Variants in GPATCH1 observed in about 807,000 individuals in gnomAD.
GPATCH1 encodes G patch domain-containing protein 1.
In GPATCH1, 73 loss-of-function variants were observed where a neutral mutation model predicts 114.9. That is an observed-to-expected ratio of 0.64 (90% CI 0.53 to 0.77). The LOEUF is 0.77. GPATCH1 is among the 30% of genes least tolerant of loss of function. GPATCH1 has a pLI of 0.00. For missense variants in GPATCH1, 1,058 were observed against 1,144.3 expected (o/e 0.92, Z 1.09); for synonymous variants, 391 against 428.4 (o/e 0.91, Z 1.08).
At position 33,126,647 on chromosome 19, in the gene GPATCH1, AAGT is replaced by A. The variant is rs767970157; in HGVS notation, c.2685_2687del (p.Ser897del). The A allele has an allele frequency of 2.5e-6, 4 of 1,614,078 alleles. No homozygotes were observed. The highest frequency in any genetic ancestry group is 3.3e-5 in the Admixed American group (2 of 59,974). ...AGCAAAAGAATAAAAAACCAGAGAA[AAGT>A]AGTAGCTCCGAGAGTTCCGACAGCA... On this transcript the variant is annotated inframe_deletion, in exon 19 of 20. Coordinates refer to ENST00000170564, the MANE Select transcript of GPATCH1 (RefSeq NM_018025.3).
At chr19:33,122,007 C>T (rs76793771) in intron 17 of GPATCH1, among the ~76,000 whole-genome samples, 2 of 152,180 alleles carry the variant, frequency 1.3e-5, no homozygotes, top group Non-Finnish European at 2.9e-5. Context: ...TATAGTTGTT[C>T]AGCACTTTTG....
Position 33,118,613 on chromosome 19 carries a change from A to G in GPATCH1, c.2414-397A>G, listed in dbSNP as rs76039971. On this transcript the variant is annotated intron_variant, in intron 16 of 19. Transcript: ENST00000170564. ...TCTTTGATAATTTATTTTGAGTGAA[A>G]CTTGTCTCCCGCAGTTCTCTGTGAT... Among the ~76,000 whole-genome samples the G allele has an allele frequency of 6.4e-3, 976 of 152,268 alleles. 9 individuals carry two copies. The highest frequency in any genetic ancestry group is 0.022 in the African/African-American group (920 of 41,558).
At chr19:33,104,716 A>G (rs1972764219) in intron 9 of GPATCH1, among the ~76,000 whole-genome samples, 1 of 152,110 alleles carries the variant, frequency 6.6e-6, no homozygotes, top group Non-Finnish European at 1.5e-5. Context: ...GAGCCAGCGG[A>G]GAGAGGGGCC....
At chr19:33,115,225 A>ATTT (rs71176196) in intron 15 of GPATCH1, among the ~76,000 whole-genome samples, 4 of 56,858 alleles carry the variant, frequency 7.0e-5, no homozygotes, top group Admixed American at 3.2e-4. Flanking sequence ...TGCCTGGCTA[A>ATTT]TTTTTTTTTT....
intron 1 of GPATCH1, 134 bp from the exon 2 acceptor site, chr19:33,088,000 C>T (rs1972551151): frequency 3.7e-6 from 2 of 535,930 alleles, no homozygotes; most frequent in East Asian, 3.1e-5. Flanking sequence ...CTAGGAATAA[C>T]AATTTAAATG....
chr19:33,118,038 C>T lies in GPATCH1; in HGVS notation c.2410C>T (p.His804Tyr). Residue 804 changes from histidine to tyrosine, a missense_variant, in exon 16 of 20, where the codon CAC (histidine) becomes TAC (tyrosine). Physicochemically the swap from His to Tyr is moderately conservative, Grantham distance 83. Transcript: ENST00000170564. Reference sequence around the variant, plus strand: ...CTTGGGGGAAACATCATCTGTGGCTCACGGTATGTCAGTATTTCAGACTCG... The same window carrying T: ...CTTGGGGGAAACATCATCTGTGGCTTACGGTATGTCAGTATTTCAGACTCG... ...TDLGETSSVA[H>Y]ALVPAPQEPP... 2.5e-6 allele frequency: 4 copies of T among 1,609,028 alleles called. No homozygotes were observed. The highest frequency in any genetic ancestry group is 3.4e-6 in the Non-Finnish European group (4 of 1,175,540).
chr19:33,099,495 T>TC (rs1294118780), intron 8 of GPATCH1, among the ~76,000 whole-genome samples: 2 of 151,630 alleles, frequency 1.3e-5, no homozygotes, highest in Non-Finnish European at 2.9e-5. Flanking sequence ...GCTTCCTCTC[T>TC]CCCCCCCTGC....
At position 33,113,885 on chromosome 19, in the gene GPATCH1, C is replaced by T. The variant is rs1187908775; in HGVS notation, c.2011C>T (p.Gln671Ter). The T allele has an allele frequency of 2.5e-6, 4 of 1,613,980 alleles. No homozygotes were observed. Among genetic ancestry groups the T allele is most frequent in the East Asian group, 2.2e-5 (1 of 44,902 alleles). Residue 671 changes from glutamine to a stop codon, truncating the protein, a stop_gained, in exon 14 of 20, where the codon CAG becomes TAG. Coordinates refer to ENST00000170564, the MANE Select transcript of GPATCH1 (RefSeq NM_018025.3). LOFTEE classifies it high-confidence loss of function. The stretch of plus-strand genomic sequence containing the variant: ...TCAAGCATCAAGTGAAAAAGTATCA[C>T]AGCACCGAGGTCCCGACAGTGAGTA... ...TTQASSEKVS[Q>*]HRGPDKSRKP...
chr19:33,088,200 A>G lies in GPATCH1; in HGVS notation c.140A>G (p.Lys47Arg). The G allele has an allele frequency of 2.5e-6, 4 of 1,605,152 alleles. No homozygotes were observed. Among genetic ancestry groups the G allele is most frequent in the Non-Finnish European group, 3.4e-6 (4 of 1,173,096 alleles). Residue 47 changes from lysine to arginine, a missense_variant, in exon 2 of 20, where the codon AAA (lysine) becomes AGA (arginine). Lys to Arg is a conservative substitution (Grantham distance 26). Around this residue, in one of 3 missense-constraint regions of GPATCH1, gnomAD observed 131 missense variants for 107.2 expected, o/e 1.22. Coordinates refer to ENST00000170564, the MANE Select transcript of GPATCH1 (RefSeq NM_018025.3). ...QTVRDEKGRYKRFHGAFSGGF... is the reference protein window; with the variant it reads ...QTVRDEKGRYRRFHGAFSGGF... The stretch of plus-strand genomic sequence containing the variant: ...GTCAGAGATGAAAAAGGAAGGTATA[A>G]ACGATTCCACGGGGCCTTTAGTGGA...
In GPATCH1 at chr19:33,101,297, C is replaced by T. The variant is rs184071943; in HGVS notation, c.1001-198C>T. Among the ~76,000 whole-genome samples, 57 of 152,272 alleles carry T rather than the reference C, an allele frequency of 3.7e-4. No homozygotes were observed. The East Asian group carries it at 6.2e-3, about 16-fold the overall frequency. ...CCAATCTGTCCAGGGCGGTGTGGGC[C>T]GGGCCTTAGTCACTGAGTCAACAGA... On this transcript the variant is annotated intron_variant, in intron 8 of 19. Transcript: ENST00000170564.
chr19:33,103,398 A>G (rs1412610576), intron 9 of GPATCH1, among the ~76,000 whole-genome samples: 1 of 152,146 alleles, frequency 6.6e-6, no homozygotes, highest in Non-Finnish European at 1.5e-5. Flanking sequence ...GGTGTTTTAC[A>G]TGTATGAAAA....
At chr19:33,104,714 G>A (rs918686997) in intron 9 of GPATCH1, among the ~76,000 whole-genome samples, 2 of 152,088 alleles carry the variant, frequency 1.3e-5, no homozygotes, top group East Asian at 1.9e-4. Context: ...GAGAGCCAGC[G>A]GAGAGAGGGG....
At position 33,106,911 on chromosome 19, in the gene GPATCH1, G is replaced by A. The variant is rs771325548; in HGVS notation, c.1285+12G>A. On this transcript the variant is annotated intron_variant, in intron 10 of 19. Transcript: ENST00000170564. ...GACGCCTATTCAAGGTATGTGCCAT[G>A]GAGAAGACGGAAATCATTTCACATA... 1.5e-5 allele frequency: 24 copies of A among 1,579,818 alleles called. No individual in the cohort carries two copies. The East Asian group carries it at 1.8e-4, about 12-fold the overall frequency.
chr19:33,119,148 T>G, intron 17 of GPATCH1, 31 bp downstream of exon 17: 1 of 1,289,954 alleles, frequency 7.8e-7, no homozygotes, highest in Non-Finnish European at 1.1e-6. Flanking sequence ...TTCGCCCATT[T>G]TTATCAGTGT....
chr19:33,112,809 G>T, intron 13 of GPATCH1, 196 bp downstream of exon 13: 1 of 453,038 alleles, frequency 2.2e-6, no homozygotes, highest in South Asian at 4.1e-5. Context: ...ACAAAATCTG[G>T]ATAGCAAACT....
At chr19:33,084,010 A>T (rs369687408) in intron 1 of GPATCH1, among the ~76,000 whole-genome samples, 2 of 152,128 alleles carry the variant, frequency 1.3e-5, no homozygotes, top group African/African-American at 4.8e-5. Flanking sequence ...GGGTTTTACC[A>T]CGTTGGCCAG....
intron 16 of GPATCH1, among the ~76,000 whole-genome samples, chr19:33,118,292 C>T (rs1972939331): frequency 6.6e-6 from 1 of 151,164 alleles, no homozygotes. Context: ...AATCCTCCCA[C>T]TTCAGCCTCC....
chr19:33,082,535 C>G (rs567992011), intron 1 of GPATCH1, among the ~76,000 whole-genome samples: 11 of 152,210 alleles, frequency 7.2e-5, no homozygotes, highest in African/African-American at 2.4e-4. Flanking sequence ...CTTCTTCTAC[C>G]CTCGGCTTAC....
chr19:33,113,461 C>A, intron 13 of GPATCH1: 1 of 224,376 alleles, frequency 4.5e-6, no homozygotes. Flanking sequence ...AAAAACAAAA[C>A]AAAAAGATAG....
Sources: allele counts gnomAD v4.1 joint callset (sites outside exome capture counted in the v4.1 genomes callset), GRCh38; gene constraint gnomAD v4.1.1; regional missense constraint gnomAD v4.1.1; transcripts MANE v1.5; gene names NCBI Gene and HGNC (gene_info 2026-07-23, HGNC 2026-07-21).